The following PPP6R2 variants were observed in gnomAD, a reference collection of about 807,000 sequenced individuals.
PPP6R2 encodes the protein serine/threonine-protein phosphatase 6 regulatory subunit 2.
In PPP6R2, 62 loss-of-function variants were observed where a neutral mutation model predicts 100.2. The observed-to-expected ratio is 0.62, with a 90% confidence interval of 0.50 to 0.76. PPP6R2 has a LOEUF of 0.76. Ranked by LOEUF, PPP6R2 falls within the 30% of genes least tolerant of loss-of-function variation. PPP6R2 has a pLI of 0.00. For synonymous variants in PPP6R2, 525 were observed against 514.7 expected, an observed-to-expected ratio of 1.02 and a Z score of -0.27; for missense variants, 1,142 against 1,276.3, an observed-to-expected ratio of 0.89 and a Z score of 1.60.
chr22:50,396,137 A>C (rs1165297150), intron 3 of PPP6R2, among the ~76,000 whole-genome samples: 2 of 143,944 alleles, frequency 1.4e-5, no homozygotes, highest in African/African-American at 5.1e-5. Context: ...TGGAGGTTGC[A>C]GTGAGCTGAG....
chr22:50,340,622 T>C (rs984768131), upstream of PPP6R2, among the ~76,000 whole-genome samples: 2 of 151,316 alleles, frequency 1.3e-5, no homozygotes, highest in Admixed American at 6.6e-5. Context: ...GTGCGTATGA[T>C]TGTGAGTTGA....
At chr22:50,371,338 T>C (rs958441424) in intron 1 of PPP6R2, among the ~76,000 whole-genome samples, 8 of 151,908 alleles carry the variant, frequency 5.3e-5, no homozygotes, top group Admixed American at 1.3e-4. Context: ...TATGGTGACC[T>C]CCCAGAAAAG....
intron 12 of PPP6R2, among the ~76,000 whole-genome samples, chr22:50,433,227 A>C (rs375074013): frequency 0.013 from 890 of 69,668 alleles, 1 homozygote; most frequent in East Asian, 0.044. Flanking sequence ...GGAGGAGGGC[A>C]GGGGGCGCGG....
At chr22:50,382,823 A>C (rs1399273929) in intron 2 of PPP6R2, among the ~76,000 whole-genome samples, 9 of 150,378 alleles carry the variant, frequency 6.0e-5, no homozygotes, top group Non-Finnish European at 2.9e-5. Context: ...AAAAGGGTGA[A>C]ATTTACAAGC....
At chr22:50,374,637 C>T (rs1318802920) in intron 2 of PPP6R2, among the ~76,000 whole-genome samples, 1 of 151,970 alleles carries the variant, frequency 6.6e-6, no homozygotes, top group African/African-American at 2.4e-5. Context: ...CAAACCCAGC[C>T]AGGTGCAGTA....
At chr22:50,393,155 G>A (rs1192303253) in intron 2 of PPP6R2, among the ~76,000 whole-genome samples, 1 of 152,212 alleles carries the variant, frequency 6.6e-6, no homozygotes, top group Non-Finnish European at 1.5e-5. Flanking sequence ...TGTTTGGGAA[G>A]CAGAGGAGGG....
In PPP6R2 at chr22:50,363,770, G is replaced by GT. The variant is rs558634404; in HGVS notation, c.-147-8247dup. Among the ~76,000 whole-genome samples the GT allele has an allele frequency of 1.4e-4, 22 of 152,124 alleles. No individual in the cohort carries two copies. The South Asian group carries it at 4.1e-3, about 29-fold the overall frequency. ...CTTGTTTCAGGATCCAGTCTCTGCT[G>GT]TTTCCTCATCAATTTGGTTCCATTT... On this transcript the variant is annotated intron_variant, in intron 1 of 23. Transcript: ENST00000612753.
chr22:50,430,224 C>T (rs1428238020), intron 10 of PPP6R2, among the ~76,000 whole-genome samples: 1 of 152,256 alleles, frequency 6.6e-6, no homozygotes, highest in Non-Finnish European at 1.5e-5. Context: ...AGGGGAGTAT[C>T]TAGGTGGCCA....
At position 50,431,283 on chromosome 22, in the gene PPP6R2, A is replaced by G. The variant is rs2063095628; in HGVS notation, c.1236A>G (p.Gly412=). The change falls in exon 11 of 24, where the codon GGA becomes GGG. Residue 412 remains glycine, a synonymous_variant. Coordinates refer to ENST00000612753, the MANE Select transcript of PPP6R2 (RefSeq NM_001242898.2). This position sits in a 1 kb window ranked among gnomAD's most constrained non-coding sequence, Gnocchi z 4.8. Reference sequence around the variant, plus strand: ...GTGAGGAGAGGACAGAAGCCAGCGGATCCGAGAGCAGGGTGGAGCCTCCGC... The same window carrying G: ...GTGAGGAGAGGACAGAAGCCAGCGGGTCCGAGAGCAGGGTGGAGCCTCCGC... ...AAREERTEAS[G]SESRVEPPHE... 1.2e-6 allele frequency: 2 copies of G among 1,613,588 alleles called. No individual in the cohort carries two copies. Among genetic ancestry groups the G allele is most frequent in the South Asian group, 2.2e-5 (2 of 91,086 alleles).
At chr22:50,380,361 C>A (rs1428343673) in intron 2 of PPP6R2, among the ~76,000 whole-genome samples, 1 of 149,656 alleles carries the variant, frequency 6.7e-6, no homozygotes, top group Non-Finnish European at 1.5e-5. Flanking sequence ...TGAGCCACCA[C>A]GCCTGATGTT....
At chr22:50,434,720 G>A (rs1357666711) in intron 12 of PPP6R2, among the ~76,000 whole-genome samples, 1 of 112,760 alleles carries the variant, frequency 8.9e-6, no homozygotes, top group African/African-American at 3.7e-5. Context: ...CGGACACTGG[G>A]CAGGGGCCGG....
chr22:50,339,245 TTGTG>T (rs1157774723), upstream of PPP6R2, among the ~76,000 whole-genome samples: 1 of 125,374 alleles, frequency 8.0e-6, no homozygotes, highest in Non-Finnish European at 1.6e-5. Context: ...ACGGTGTGTG[TTGTG>T]TGTGTTGTGT....
intron 10 of PPP6R2, among the ~76,000 whole-genome samples, chr22:50,430,553 G>A (rs527656960): frequency 1.3e-5 from 2 of 152,322 alleles, no homozygotes; most frequent in Admixed American, 6.5e-5. Context: ...AAGAAAGGCT[G>A]CAATTAATGA....
At chr22:50,398,986 G>T (rs139100785) in intron 3 of PPP6R2, among the ~76,000 whole-genome samples, 2 of 152,162 alleles carry the variant, frequency 1.3e-5, no homozygotes, top group African/African-American at 4.8e-5. Context: ...GGTGGCTCAC[G>T]CCTGTAATCC....
chr22:50,335,206 A>C, the PPP6R2 span, among the ~76,000 whole-genome samples: 5 of 144,062 alleles, frequency 3.5e-5, no homozygotes, highest in African/African-American at 5.1e-5. Flanking sequence ...TGCCCGCCAC[A>C]ACACCCGGCT....
chr22:50,332,240 T>G, the PPP6R2 span, among the ~76,000 whole-genome samples: 1 of 151,962 alleles, frequency 6.6e-6, no homozygotes, highest in African/African-American at 2.4e-5. Flanking sequence ...GATTTTTTTT[T>G]TTTTTGAGAT....
chr22:50,426,872 A>G (rs896176977), intron 10 of PPP6R2, among the ~76,000 whole-genome samples: 7 of 147,942 alleles, frequency 4.7e-5, no homozygotes, highest in African/African-American at 1.8e-4. Flanking sequence ...TCCCCCATGA[A>G]TGGTCTCGGC....
At chr22:50,342,042 G>C (rs2042458706), upstream of PPP6R2, among the ~76,000 whole-genome samples, 1 of 151,696 alleles carries the variant, frequency 6.6e-6, no homozygotes, top group African/African-American at 2.4e-5. Flanking sequence ...CAGTTGCACT[G>C]GCTGAGCACA....
chr22:50,436,305 G>A (rs760039600), intron 13 of PPP6R2, 62 bp from the exon 14 acceptor site: 30 of 1,465,218 alleles, frequency 2.0e-5, no homozygotes, highest in Middle Eastern at 2.3e-4. Flanking sequence ...CGGAGCCCCC[G>A]GGTGCCCTGC....
Sources: allele counts gnomAD v4.1 joint callset (sites outside exome capture counted in the v4.1 genomes callset), GRCh38; gene constraint gnomAD v4.1.1; non-coding constraint Gnocchi (gnomAD v3.1); transcripts MANE v1.5; gene names NCBI Gene and HGNC (gene_info 2026-07-23, HGNC 2026-07-21).